PRR5: variants seen among roughly 807,000 people sequenced by gnomAD.
PRR5 encodes the protein proline-rich protein 5.
Under a neutral mutation model 30.6 loss-of-function variants are expected in PRR5, and 25 were observed. That is an observed-to-expected ratio of 0.82 (90% CI 0.60 to 1.14). The LOEUF (loss-of-function observed/expected upper bound fraction) is 1.14, where lower values mean the gene tolerates loss of function less well. PRR5 is among the 50% of genes most tolerant of loss of function. PRR5 has a pLI of 0.00. For synonymous variants in PRR5, 286 were observed against 247.1 expected (o/e 1.16, Z -1.48); for missense variants, 600 against 547.1 (o/e 1.10, Z -0.96).
At chr22:44,685,017 G>A (rs986626234) in intron 1 of PRR5, among the ~76,000 whole-genome samples, 12 of 152,284 alleles carry the variant, frequency 7.9e-5, no homozygotes, top group South Asian at 6.2e-4. Flanking sequence ...CGTGGGAAGC[G>A]TGTAGCTCCA....
At chr22:44,734,266 G>A (rs1238046717) in intron 6 of PRR5, 2 of 151,942 alleles carry the variant, frequency 1.3e-5, no homozygotes, top group African/African-American at 2.4e-5. Flanking sequence ...GCGAAACTCT[G>A]TCTCAAAAAA....
rs772777832 is a variant in PRR5, at chr22:44,736,940, C to G, written c.860C>G (p.Thr287Arg). 1.2e-6 allele frequency: 2 copies of G among 1,605,844 alleles called. No individual in the cohort carries two copies. The highest frequency in any genetic ancestry group is 2.2e-5 in the South Asian group (2 of 90,926). ...CGCAGGCACTCTGTGTCGGAGATGA[C>G]GTCCTGCCCCGAGCCTCAGGGCTTC... Reference protein sequence around the residue: ...SIRRHSVSEMTSCPEPQGFSD... With the variant: ...SIRRHSVSEMRSCPEPQGFSD... Residue 287 changes from threonine to arginine, a missense_variant, in exon 8 of 8, where the codon ACG becomes AGG. Coordinates refer to ENST00000336985, the MANE Select transcript of PRR5 (RefSeq NM_181333.4).
chr22:44,732,845 C>CACACGCACATACT (rs1491547620), intron 6 of PRR5, among the ~76,000 whole-genome samples: 1 of 13,446 alleles, frequency 7.4e-5, no homozygotes, highest in East Asian at 1.3e-3. Flanking sequence ...TACACACGTG[C>CACACGCACATACT]ACACACGTGC....
intron 1 of PRR5, among the ~76,000 whole-genome samples, chr22:44,690,453 C>T (rs554779108): frequency 2.1e-4 from 32 of 152,244 alleles, no homozygotes; most frequent in Non-Finnish European, 3.7e-4. Context: ...CATGGCAGGG[C>T]CAGAGGCCAC....
At chr22:44,696,001 GA>G (rs1925717300) in intron 1 of PRR5, among the ~76,000 whole-genome samples, 1 of 132,086 alleles carries the variant, frequency 7.6e-6, no homozygotes, top group Admixed American at 9.1e-5. Context: ...CACAGTCACT[GA>G]AACCTCCACC....
Position 44,726,711 on chromosome 22 carries a change from T to G in PRR5, c.322+77T>G, listed in dbSNP as rs1395957176. 1.9e-6 allele frequency: 3 copies of G among 1,601,406 alleles called. No homozygotes were observed. The East Asian group carries it at 6.7e-5, about 36-fold the overall frequency. Reference sequence around the variant, plus strand: ...GCTGCTGGACTGCTGGGCCTCGTGCTGGGGGCCTCTGGGTGCAAGGTGTGG... The same window carrying G: ...GCTGCTGGACTGCTGGGCCTCGTGCGGGGGGCCTCTGGGTGCAAGGTGTGG... On this transcript the variant is annotated intron_variant, in intron 4 of 7. Transcript: ENST00000336985.
chr22:44,711,912 T>C (rs933309955), intron 1 of PRR5, among the ~76,000 whole-genome samples: 6 of 151,984 alleles, frequency 3.9e-5, no homozygotes, highest in Non-Finnish European at 8.8e-5. Flanking sequence ...GCTGCCAGGA[T>C]TGTAGGGTGG....
At position 44,707,197 on chromosome 22, in the gene PRR5, CT is replaced by C. The variant is rs374922441; in HGVS notation, c.134+4590del. Among the ~76,000 whole-genome samples, 54 of 152,348 alleles carry C rather than the reference CT, an allele frequency of 3.5e-4. 1 individual carries two copies. Among genetic ancestry groups the C allele is most frequent in the African/African-American group, 1.2e-3 (50 of 41,584 alleles). On this transcript the variant is annotated intron_variant, in intron 1 of 7. Transcript: ENST00000336985. ...CTCCCTGGGTCTGGCCCCTGTGCCCCTATGGGGCTTCCAGCTATGAAGGCCG... is the reference window on the plus strand; with the variant it reads ...CTCCCTGGGTCTGGCCCCTGTGCCCCATGGGGCTTCCAGCTATGAAGGCCG...
chr22:44,729,208 G>C, intron 4 of PRR5: 7 of 792,802 alleles, frequency 8.8e-6, no homozygotes, highest in Non-Finnish European at 1.1e-5. Flanking sequence ...CCCCGCGCCA[G>C]ACACCCTTGA....
chr22:44,722,824 C>T (rs1489228212), intron 2 of PRR5, among the ~76,000 whole-genome samples: 1 of 152,092 alleles, frequency 6.6e-6, no homozygotes, highest in African/African-American at 2.4e-5. Flanking sequence ...GGAAGCAAGC[C>T]TTATTTGGGC....
chr22:44,682,423 G>A (rs968458971), intron 1 of PRR5, among the ~76,000 whole-genome samples: 4 of 152,196 alleles, frequency 2.6e-5, no homozygotes, highest in Non-Finnish European at 5.9e-5. Context: ...GTGGCTGTCA[G>A]CTGCCTGGAC....
At chr22:44,688,931 T>C (rs1286519188) in intron 1 of PRR5, among the ~76,000 whole-genome samples, 1 of 152,148 alleles carries the variant, frequency 6.6e-6, no homozygotes, top group Admixed American at 6.6e-5. Context: ...GAGGTTGCAG[T>C]GAGCCGAGAT....
chr22:44,690,608 A>C (rs1925152397), intron 1 of PRR5, among the ~76,000 whole-genome samples: 1 of 152,248 alleles, frequency 6.6e-6, no homozygotes, highest in South Asian at 2.1e-4. Context: ...ACTGAGGCAC[A>C]GTCAAGCAGA....
rs1391354079 is a variant in PRR5 at position 44,737,376 on chromosome 22, C to T, written c.*129C>T. On this transcript the variant is annotated 3_prime_UTR_variant, in exon 8 of 8. Coordinates refer to ENST00000336985, the MANE Select transcript of PRR5 (RefSeq NM_181333.4). ...CAGCCCTATCGGCCTCGTCACTGGC[C>T]TTGGTCACTTTGTATTTCTGTCTTG... 7.1e-7 allele frequency: 1 copy of T among 1,414,970 alleles called. No individual in the cohort carries two copies. Among genetic ancestry groups the T allele is most frequent in the African/African-American group, 1.4e-5 (1 of 69,560 alleles). The allele number at this position is 1,414,970 out of a possible 1,614,324, so 87.7% of individuals were successfully genotyped here. A position where few individuals can be genotyped will look rare whatever the true frequency, so the allele number is the denominator to read the frequency against.
chr22:44,676,381 A>G (rs1460541250), upstream of PRR5, among the ~76,000 whole-genome samples: 8 of 123,108 alleles, frequency 6.5e-5, no homozygotes, highest in African/African-American at 2.8e-4. Flanking sequence ...ACACAGTGAG[A>G]CCCTGTCTCA....
At chr22:44,677,795 T>A (rs1302640325) in intron 1 of PRR5, among the ~76,000 whole-genome samples, 2 of 152,212 alleles carry the variant, frequency 1.3e-5, no homozygotes, top group East Asian at 1.9e-4. Flanking sequence ...CGGTCTCTAA[T>A]TTGTGAATTC....
chr22:44,684,533 C>A (rs1197479041), intron 1 of PRR5, among the ~76,000 whole-genome samples: 2 of 152,120 alleles, frequency 1.3e-5, no homozygotes, highest in Non-Finnish European at 2.9e-5. Context: ...GGCAACAGAG[C>A]GAGACTCAAA....
chr22:44,701,953 G>T (rs1926345533), upstream of PRR5, among the ~76,000 whole-genome samples: 1 of 152,176 alleles, frequency 6.6e-6, no homozygotes, highest in African/African-American at 2.4e-5. Flanking sequence ...CTTGGGCCCT[G>T]CGTCCTGTGC....
chr22:44,693,899 G>C (rs536258144), intron 1 of PRR5, among the ~76,000 whole-genome samples: 13 of 150,188 alleles, frequency 8.7e-5, no homozygotes, highest in Non-Finnish European at 1.9e-4. Flanking sequence ...AAAGTGCTGA[G>C]ATTACAGGCA....
Sources: gnomAD v4.1 joint callset for allele counts (sites outside exome capture counted in the v4.1 genomes callset) on GRCh38, gnomAD v4.1.1 for gene constraint, MANE v1.5 for transcripts, NCBI Gene and HGNC (gene_info 2026-07-23, HGNC 2026-07-21) for gene names.